The following MAN1C1 variants were observed in gnomAD, a reference collection of about 807,000 sequenced individuals.
The protein encoded by MAN1C1 is mannosyl-oligosaccharide 1,2-alpha-mannosidase IC.
MAN1C1 carries 49 observed loss-of-function variants against 71.5 expected under a neutral mutation model. That is an observed-to-expected ratio of 0.69 (90% CI 0.54 to 0.87). MAN1C1 has a LOEUF of 0.87. Ranked by LOEUF, MAN1C1 falls within the 40% of genes least tolerant of loss-of-function variation. The pLI, the probability that MAN1C1 is intolerant of heterozygous loss-of-function variation, is 0.00. For missense variants in MAN1C1, 743 were observed against 835.0 expected (o/e 0.89, Z 1.36); for synonymous variants, 352 against 343.7 (o/e 1.02, Z -0.27).
intron 5 of MAN1C1, among the ~76,000 whole-genome samples, chr1:25,758,305 A>G (rs1344423864): frequency 6.6e-6 from 1 of 152,204 alleles, no homozygotes; most frequent in African/African-American, 2.4e-5. Flanking sequence ...TAACTCTTGT[A>G]CCAGGTCTCG....
intron 1 of MAN1C1, among the ~76,000 whole-genome samples, chr1:25,647,000 C>T (rs2045624043): frequency 6.6e-6 from 1 of 152,152 alleles, no homozygotes; most frequent in Non-Finnish European, 1.5e-5. Flanking sequence ...GACTGTTTCT[C>T]CCAGTGGCTG....
In MAN1C1 at chr1:25,746,678, C is replaced by T. The variant is rs775929600; in HGVS notation, c.648C>T (p.Ser216=). Residue 216 remains serine, a synonymous_variant, in exon 3 of 12, where the codon AGC becomes AGT. Transcript: ENST00000374332. This position sits in a 1 kb window ranked among gnomAD's most constrained non-coding sequence, Gnocchi z 4.0. ...GCTCTGTGCCTGCAGGAGGCCTCAG[C>T]GGGGCAACAGTCATTGACTCCCTCG... ...GYEGNMFGGL[S]GATVIDSLDT... 3.4e-5 allele frequency: 55 copies of T among 1,613,180 alleles called. No homozygotes were observed. In the Admixed American group the frequency reaches 3.7e-4, roughly 11 times the overall value.
chr1:25,698,248 G>C (rs905414682), intron 2 of MAN1C1, among the ~76,000 whole-genome samples: 2 of 152,234 alleles, frequency 1.3e-5, no homozygotes, highest in Non-Finnish European at 2.9e-5. Context: ...TTTGGTACCA[G>C]GATAGGGGTA....
intron 2 of MAN1C1, among the ~76,000 whole-genome samples, chr1:25,722,481 A>T (rs985365124): frequency 5.3e-5 from 8 of 152,084 alleles, no homozygotes; most frequent in African/African-American, 1.9e-4. Context: ...ACTCTACAAA[A>T]TTTCCTCAAG....
chr1:25,744,229 T>C (rs1422518642), intron 2 of MAN1C1, among the ~76,000 whole-genome samples: 3 of 152,146 alleles, frequency 2.0e-5, no homozygotes, highest in Non-Finnish European at 4.4e-5. Context: ...GGCTCCTCAG[T>C]GCCTCCCTGC....
intron 1 of MAN1C1, among the ~76,000 whole-genome samples, chr1:25,676,293 C>T (rs115537276): frequency 7.2e-4 from 109 of 152,136 alleles, no homozygotes; most frequent in Non-Finnish European, 1.3e-3. Context: ...TGAGTAAACC[C>T]GAAACTGAGA....
At chr1:25,643,746 A>G (rs1356548986) in intron 1 of MAN1C1, among the ~76,000 whole-genome samples, 1 of 151,684 alleles carries the variant, frequency 6.6e-6, no homozygotes, top group Non-Finnish European at 1.5e-5. Flanking sequence ...AGCTCAAGTG[A>G]TCCACCCGCC....
intron 2 of MAN1C1, among the ~76,000 whole-genome samples, chr1:25,700,113 C>T (rs1398173977): frequency 8.5e-5 from 13 of 152,318 alleles, no homozygotes; most frequent in Admixed American, 7.8e-4. Flanking sequence ...AGTTGGAAAT[C>T]CACTGCCCTT....
chr1:25,674,160 G>C (rs2046032247), intron 1 of MAN1C1, among the ~76,000 whole-genome samples: 1 of 152,192 alleles, frequency 6.6e-6, no homozygotes, highest in African/African-American at 2.4e-5. Flanking sequence ...AGCCTCGCTG[G>C]GAAGGGTCTC....
At position 25,633,120 on chromosome 1, in the gene MAN1C1, C is replaced by G. The variant is rs373383816; in HGVS notation, c.540+14783C>G. On this transcript the variant is annotated intron_variant, in intron 1 of 11. Transcript: ENST00000374332. ...GACCTCATGATCCACCATCGTTGGT[C>G]TCCCAAAGTGCTGGAATTACAGGCA... 5.3e-5 allele frequency among the ~76,000 whole-genome samples: 8 copies of G among 152,240 alleles called. No individual in the cohort carries two copies. In the East Asian group the frequency reaches 1.5e-3, roughly 29 times the overall value.
intron 1 of MAN1C1, among the ~76,000 whole-genome samples, chr1:25,678,994 A>G (rs1286391782): frequency 6.6e-6 from 1 of 152,118 alleles, no homozygotes; most frequent in East Asian, 1.9e-4. Flanking sequence ...ACAAGAAGAG[A>G]GAGAGAGGAG....
chr1:25,679,143 G>A (rs1019878421), intron 1 of MAN1C1, among the ~76,000 whole-genome samples: 2 of 152,164 alleles, frequency 1.3e-5, no homozygotes, highest in African/African-American at 4.8e-5. Flanking sequence ...TCAAGAGAAG[G>A]GAGTGACCCA....
intron 4 of MAN1C1, among the ~76,000 whole-genome samples, chr1:25,751,785 C>T (rs1019643357): frequency 2.6e-5 from 4 of 152,276 alleles, no homozygotes; most frequent in African/African-American, 4.8e-5. Flanking sequence ...GGCTCCGGGT[C>T]GCACAGTGTC....
rs746164670 is a variant in MAN1C1, at chr1:25,778,264, C to T, written c.1417C>T (p.His473Tyr). ...GGATGCCAAGGAAGAAAAGAGGGCC[C>T]ACTACCGAGAGCTCGCAGCCCAGAT... ...AEDAKEEKRA[H>Y]YRELAAQITK... is the part of the protein sequence containing the mutation. Residue 473 changes from histidine to tyrosine, a missense_variant, in exon 9 of 12, where the codon CAC (histidine) becomes TAC (tyrosine). Coordinates refer to ENST00000374332, the MANE Select transcript of MAN1C1 (RefSeq NM_020379.4). The surrounding 1 kb of genome is among the most constrained non-coding windows in gnomAD (Gnocchi z 5.5). 151 of 1,614,044 alleles carry T rather than the reference C, an allele frequency of 9.4e-5. No homozygotes were observed. Among genetic ancestry groups the T allele is most frequent in the East Asian group, 1.6e-4 (7 of 44,870 alleles).
chr1:25,633,695 G>T (rs1294799724), intron 1 of MAN1C1, among the ~76,000 whole-genome samples: 1 of 152,102 alleles, frequency 6.6e-6, no homozygotes, highest in Non-Finnish European at 1.5e-5. Flanking sequence ...GTCTCTTAAA[G>T]ACAGCAGATA....
chr1:25,672,177 G>T (rs2046001898), intron 1 of MAN1C1, among the ~76,000 whole-genome samples: 2 of 152,224 alleles, frequency 1.3e-5, no homozygotes, highest in Non-Finnish European at 2.9e-5. Flanking sequence ...GATTCCAAGG[G>T]CAGGAGAGGA....
chr1:25,762,108 CTTTCTTTTCT>C (rs148324488), intron 6 of MAN1C1, among the ~76,000 whole-genome samples: 10 of 123,470 alleles, frequency 8.1e-5, no homozygotes, highest in Admixed American at 7.0e-4. Context: ...ACCACATTTT[CTTTCTTTTCT>C]TTTCTTTTCT....
At chr1:25,770,506 G>A (rs2047535833) in intron 7 of MAN1C1, among the ~76,000 whole-genome samples, 1 of 152,198 alleles carries the variant, frequency 6.6e-6, no homozygotes, top group African/African-American at 2.4e-5. Context: ...TGCAGCTGTG[G>A]AAGGTGAGGC....
intron 3 of MAN1C1, 69 bp from the exon 4 acceptor site, chr1:25,749,186 G>A (rs895748226): frequency 3.0e-6 from 4 of 1,316,808 alleles, no homozygotes; most frequent in Non-Finnish European, 4.3e-6. Flanking sequence ...AGTGGCCAGG[G>A]TGACCTGTCT....
Sources: gnomAD v4.1 joint callset for allele counts (sites outside exome capture counted in the v4.1 genomes callset) on GRCh38, gnomAD v4.1.1 for gene constraint, Gnocchi (gnomAD v3.1) non-coding constraint, MANE v1.5 for transcripts, NCBI Gene and HGNC (gene_info 2026-07-23, HGNC 2026-07-21) for gene names.